KDM4C: variants seen among roughly 807,000 people sequenced by gnomAD.
KDM4C encodes the protein lysine-specific demethylase 4C.
KDM4C carries 81 observed loss-of-function variants against 129.3 expected under a neutral mutation model. That is an observed-to-expected ratio of 0.63 (90% CI 0.52 to 0.75). KDM4C has a LOEUF of 0.75. Ranked by LOEUF, KDM4C falls within the 30% of genes least tolerant of loss-of-function variation. The pLI is 0.00. For synonymous variants in KDM4C, 573 were observed against 456.1 expected (o/e 1.26, Z -3.26); for missense variants, 1,457 against 1,304.0 (o/e 1.12, Z -1.81).
rs112731466 is a variant in KDM4C, at chr9:7,137,147, C to A, written c.2781+8911C>A. On this transcript the variant is annotated intron_variant, in intron 19 of 21. Coordinates refer to ENST00000381309, the MANE Select transcript of KDM4C (RefSeq NM_015061.6). ...ACTGCCATGAGAGTGAGAAGTCTGT[C>A]GTGAGAGAGGGTTAAGGGAGTCAGG... Among the ~76,000 whole-genome samples the A allele has an allele frequency of 4.0e-4, 61 of 152,242 alleles. 1 individual carries two copies. The highest frequency in any genetic ancestry group is 3.5e-3 in the East Asian group (18 of 5,188).
chr9:6,728,063 C>A (rs1817197169), intron 1 of KDM4C, among the ~76,000 whole-genome samples: 1 of 71,652 alleles, frequency 1.4e-5, no homozygotes, highest in African/African-American at 6.5e-5. Context: ...AACCATGAAG[C>A]TGCAAAAAAA....
intron 4 of KDM4C, among the ~76,000 whole-genome samples, chr9:6,823,144 T>C (rs1223773361): frequency 6.6e-6 from 1 of 152,250 alleles, no homozygotes; most frequent in East Asian, 1.9e-4. Context: ...GTGTATTGTG[T>C]GTATTCAAGT....
At chr9:7,070,645 C>G (rs899496349) in intron 17 of KDM4C, among the ~76,000 whole-genome samples, 4 of 152,136 alleles carry the variant, frequency 2.6e-5, no homozygotes, top group Admixed American at 6.5e-5. Context: ...AAACATTTAA[C>G]TGGATTTAAC....
At chr9:6,952,785 A>G (rs898267490) in intron 8 of KDM4C, among the ~76,000 whole-genome samples, 21 of 152,296 alleles carry the variant, frequency 1.4e-4, no homozygotes, top group African/African-American at 5.1e-4. Context: ...TATTTGTTCC[A>G]GTGACATAAG....
chr9:6,862,248 G>GT (rs1218973131), intron 5 of KDM4C, among the ~76,000 whole-genome samples: 1 of 152,150 alleles, frequency 6.6e-6, no homozygotes. Flanking sequence ...GGTTGCCTTT[G>GT]TTGTCTTCAT....
At chr9:6,929,753 AGAAAG>A (rs1217497351) in intron 8 of KDM4C, among the ~76,000 whole-genome samples, 1 of 152,142 alleles carries the variant, frequency 6.6e-6, no homozygotes, top group Admixed American at 6.6e-5. Context: ...ATGTGCAAGC[AGAAAG>A]GATACTTTTG....
chr9:7,010,624 C>T (rs1314465753), intron 12 of KDM4C, among the ~76,000 whole-genome samples: 1 of 152,148 alleles, frequency 6.6e-6, no homozygotes, highest in African/African-American at 2.4e-5. Flanking sequence ...TTATTCTGGC[C>T]ACTTGCTCTG....
intron 8 of KDM4C, among the ~76,000 whole-genome samples, chr9:6,902,469 G>T (rs1220306944): frequency 6.6e-6 from 1 of 152,154 alleles, no homozygotes; most frequent in East Asian, 1.9e-4. Context: ...GTTCTGTGTG[G>T]AATAGTTGTG....
intron 12 of KDM4C, among the ~76,000 whole-genome samples, chr9:6,998,792 G>A (rs1005407151): frequency 2.9e-5 from 4 of 139,992 alleles, no homozygotes; most frequent in Admixed American, 7.8e-5. Context: ...CAGGACTCTG[G>A]TTCCAAAAAA....
chr9:7,019,788 A>ATAATATTTTTATATATAAAAATATTATAT (rs1341728964), intron 15 of KDM4C, among the ~76,000 whole-genome samples: 8 of 144,498 alleles, frequency 5.5e-5, no homozygotes, highest in Non-Finnish European at 7.5e-5. Flanking sequence ...ATATAAAAAT[A>ATAATATTTTTATATATAAAAATATTATAT]TTTTAGAAGC....
At chr9:6,752,063 G>A (rs911235625) in intron 1 of KDM4C, among the ~76,000 whole-genome samples, 3 of 150,646 alleles carry the variant, frequency 2.0e-5, no homozygotes, top group African/African-American at 5.0e-5. Flanking sequence ...GCCGGGCGCG[G>A]TGGCTCACGC....
intron 1 of KDM4C, among the ~76,000 whole-genome samples, chr9:6,771,722 A>T (rs773143618): frequency 6.6e-6 from 1 of 152,210 alleles, no homozygotes; most frequent in Non-Finnish European, 1.5e-5. Flanking sequence ...AATCTCATAA[A>T]AGTCACAATG....
intron 1 of KDM4C, among the ~76,000 whole-genome samples, chr9:6,765,682 C>T (rs749311172): frequency 3.9e-5 from 6 of 152,104 alleles, no homozygotes; most frequent in Non-Finnish European, 7.3e-5. Context: ...AACCAGGACA[C>T]GCATTGGGAA....
intron 2 of KDM4C, among the ~76,000 whole-genome samples, chr9:6,803,301 G>A (rs1322966958): frequency 1.3e-5 from 2 of 152,142 alleles, no homozygotes; most frequent in African/African-American, 4.8e-5. Flanking sequence ...GGCCAGGCAC[G>A]GTGGCTCATG....
chr9:7,034,114 A>T (rs940200128), intron 15 of KDM4C, among the ~76,000 whole-genome samples: 6 of 151,894 alleles, frequency 4.0e-5, no homozygotes, highest in African/African-American at 1.5e-4. Context: ...GTACATATTC[A>T]TGGGGTACAC....
chr9:7,070,164 C>T (rs1343544262), intron 17 of KDM4C, among the ~76,000 whole-genome samples: 1 of 152,154 alleles, frequency 6.6e-6, no homozygotes, highest in African/African-American at 2.4e-5. Context: ...CATCAAAACT[C>T]ACCCAACAAG....
intron 18 of KDM4C, chr9:7,105,626 T>A (rs1489200061): frequency 1.4e-5 from 5 of 359,312 alleles, no homozygotes; most frequent in African/African-American, 1.1e-4. Flanking sequence ...TAGCTCATAC[T>A]CTATTATTTG....
intron 4 of KDM4C, among the ~76,000 whole-genome samples, chr9:6,828,669 G>A (rs1022985270): frequency 2.0e-5 from 3 of 152,076 alleles, no homozygotes; most frequent in East Asian, 3.9e-4. Context: ...TTGGGAGTTC[G>A]AGACCAACCT....
intron 8 of KDM4C, among the ~76,000 whole-genome samples, chr9:6,934,349 C>T (rs942449440): frequency 4.0e-5 from 6 of 150,832 alleles, no homozygotes; most frequent in African/African-American, 1.2e-4. Context: ...TTTGTGCTGG[C>T]GGTCCCTGTA....
Sources: allele counts gnomAD v4.1 joint callset (sites outside exome capture counted in the v4.1 genomes callset), GRCh38; gene constraint gnomAD v4.1.1; transcripts MANE v1.5; gene names NCBI Gene and HGNC (gene_info 2026-07-23, HGNC 2026-07-21).